The following SGCD variants were observed in gnomAD, a reference collection of about 807,000 sequenced individuals.
The protein encoded by SGCD is sarcoglycan delta, also known as delta-sarcoglycan.
SGCD carries 18 observed loss-of-function variants against 36.6 expected under a neutral mutation model. The ratio of observed to expected loss-of-function variants is 0.49; its 90% CI spans 0.34 to 0.73. The LOEUF (loss-of-function observed/expected upper bound fraction) is 0.73. SGCD is among the 30% of genes least tolerant of loss of function. The pLI, the probability that SGCD is intolerant of heterozygous loss-of-function variation, is 0.01. For missense variants in SGCD, 387 were observed against 346.7 expected (o/e 1.12, Z -0.92); for synonymous variants, 133 against 130.6 (o/e 1.02, Z -0.12).
At chr5:155,857,682 AAGGGGCACAATT>A in the SGCD span, among the ~76,000 whole-genome samples, 1 of 152,196 alleles carries the variant, frequency 6.6e-6, no homozygotes, top group Non-Finnish European at 1.5e-5. Context: ...ATAGATTATA[AAGGGGCACAATT>A]AGGGGCACAA....
chr5:156,695,565 A>C (rs1455932289), intron 7 of SGCD, among the ~76,000 whole-genome samples: 1 of 114,742 alleles, frequency 8.7e-6, no homozygotes, highest in South Asian at 2.9e-4. Flanking sequence ...AGATAGATAG[A>C]TAGATATCCT....
intron 1 of SGCD, among the ~76,000 whole-genome samples, chr5:156,003,485 G>T (rs938273379): frequency 1.1e-4 from 16 of 152,206 alleles, no homozygotes; most frequent in African/African-American, 3.4e-4. Context: ...TCCCGGAGCT[G>T]TCTGACCTGG....
At chr5:155,969,065 G>A (rs1162097681) in intron 1 of SGCD, among the ~76,000 whole-genome samples, 1 of 152,030 alleles carries the variant, frequency 6.6e-6, no homozygotes, top group Non-Finnish European at 1.5e-5. Context: ...AATTCACATT[G>A]ATGTACATTT....
intron 3 of SGCD, among the ~76,000 whole-genome samples, chr5:156,345,382 A>G (rs984626116): frequency 1.3e-5 from 2 of 152,244 alleles, no homozygotes; most frequent in Non-Finnish European, 2.9e-5. Context: ...GGAGTTATTT[A>G]GAGGTTTTAT....
the SGCD span, among the ~76,000 whole-genome samples, chr5:155,819,298 A>G: frequency 3.3e-5 from 5 of 152,224 alleles, no homozygotes; most frequent in African/African-American, 1.2e-4. Flanking sequence ...CTTTTAAATC[A>G]TCAGTAGTTC....
intron 3 of SGCD, among the ~76,000 whole-genome samples, chr5:156,147,531 C>G (rs879451342): frequency 1.3e-5 from 2 of 152,172 alleles, no homozygotes; most frequent in African/African-American, 4.8e-5. Flanking sequence ...CTGCATCACT[C>G]CCCGACTAGA....
intron 1 of SGCD, among the ~76,000 whole-genome samples, chr5:155,957,685 C>G (rs989929763): frequency 3.9e-5 from 6 of 152,098 alleles, no homozygotes; most frequent in African/African-American, 1.4e-4. Flanking sequence ...ATCTTGCACA[C>G]CTAAGGACCC....
chr5:156,349,145 A>AAAT (rs1388816314), intron 3 of SGCD, among the ~76,000 whole-genome samples: 6 of 152,120 alleles, frequency 3.9e-5, no homozygotes, highest in Non-Finnish European at 7.4e-5. Context: ...TAGAACATAA[A>AAAT]AATTCTAGAA....
At chr5:156,640,434 TA>T (rs1400127309) in intron 6 of SGCD, among the ~76,000 whole-genome samples, 10 of 128,586 alleles carry the variant, frequency 7.8e-5, no homozygotes, top group Non-Finnish European at 1.7e-4. Flanking sequence ...CAATATCTGT[TA>T]TTTTTAAAAA....
intron 5 of SGCD, among the ~76,000 whole-genome samples, chr5:156,593,349 C>T (rs936920508): frequency 1.3e-5 from 2 of 152,098 alleles, no homozygotes; most frequent in African/African-American, 2.4e-5. Flanking sequence ...ACACGCGCAC[C>T]AGACAAGGCT....
chr5:156,268,859 G>T (rs1054053588), intron 3 of SGCD, among the ~76,000 whole-genome samples: 1 of 152,152 alleles, frequency 6.6e-6, no homozygotes, highest in African/African-American at 2.4e-5. Context: ...CTCCCAAAGT[G>T]CTGGGATTAC....
At chr5:156,433,548 G>A (rs1298727218) in intron 3 of SGCD, among the ~76,000 whole-genome samples, 3 of 152,194 alleles carry the variant, frequency 2.0e-5, no homozygotes, top group African/African-American at 7.2e-5. Flanking sequence ...TTTCCAAAAT[G>A]AGGCTAAGGA....
intron 3 of SGCD, among the ~76,000 whole-genome samples, chr5:156,158,123 A>C (rs898691740): frequency 2.6e-5 from 4 of 151,166 alleles, no homozygotes; most frequent in Non-Finnish European, 4.4e-5. Context: ...AGGACTATGC[A>C]TTGAGTGCTG....
intron 1 of SGCD, among the ~76,000 whole-genome samples, chr5:155,948,293 A>AC (rs1561659850): frequency 3.3e-5 from 5 of 151,768 alleles, no homozygotes; most frequent in African/African-American, 7.3e-5. Flanking sequence ...GCTACTACTA[A>AC]TAATAATAAT....
At chr5:155,759,429 A>G in the SGCD span, among the ~76,000 whole-genome samples, 1 of 152,114 alleles carries the variant, frequency 6.6e-6, no homozygotes, top group African/African-American at 2.4e-5. Flanking sequence ...AACTTTCTAC[A>G]TAGATGATAT....
intron 1 of SGCD, among the ~76,000 whole-genome samples, chr5:155,997,031 A>G (rs1012054190): frequency 1.3e-5 from 2 of 152,162 alleles, no homozygotes; most frequent in Non-Finnish European, 2.9e-5. Flanking sequence ...TATTCTAGCC[A>G]TGACTTTGGA....
At chr5:156,527,813 C>G (rs945947358) in intron 4 of SGCD, among the ~76,000 whole-genome samples, 1 of 152,206 alleles carries the variant, frequency 6.6e-6, no homozygotes, top group African/African-American at 2.4e-5. Context: ...CTTCCTGTCA[C>G]CAGCCACAGG....
intron 3 of SGCD, among the ~76,000 whole-genome samples, chr5:156,140,340 AAG>A (rs1243671684): frequency 6.6e-6 from 1 of 152,188 alleles, no homozygotes; most frequent in Non-Finnish European, 1.5e-5. Flanking sequence ...GGCTCAGAAG[AAG>A]AGAGATGTCG....
intron 3 of SGCD, among the ~76,000 whole-genome samples, chr5:156,234,473 CAT>C (rs1404195776): frequency 2.6e-5 from 4 of 152,076 alleles, no homozygotes; most frequent in African/African-American, 9.7e-5. Flanking sequence ...TATGGAGGTT[CAT>C]TAGAACCTAA....
Sources: gnomAD v4.1 joint callset for allele counts (sites outside exome capture counted in the v4.1 genomes callset) on GRCh38, gnomAD v4.1.1 for gene constraint, MANE v1.5 for transcripts, NCBI Gene and HGNC (gene_info 2026-07-23, HGNC 2026-07-21) for gene names.